The following PPP2R2B variants were observed in gnomAD, a reference collection of about 807,000 sequenced individuals.
PPP2R2B encodes the protein serine/threonine-protein phosphatase 2A 55 kDa regulatory subunit B beta isoform.
Under a neutral mutation model 46.0 loss-of-function variants are expected in PPP2R2B, and 5 were observed. The observed-to-expected ratio is 0.11, with a 90% CI of 0.06 to 0.23. The LOEUF is 0.23. Ranked by LOEUF, PPP2R2B falls within the 10% of genes least tolerant of loss-of-function variation. The pLI is 1.00. For synonymous variants in PPP2R2B, 215 were observed against 206.7 expected (o/e 1.04, Z -0.34); for missense variants, 367 against 575.0 (o/e 0.64, Z 3.70).
chr5:147,076,499 T>A (rs1361425773), intron 2 of PPP2R2B, among the ~76,000 whole-genome samples: 1 of 152,202 alleles, frequency 6.6e-6, no homozygotes, highest in Non-Finnish European at 1.5e-5. Flanking sequence ...TATTTTCTGA[T>A]TTTTATTGGT....
At chr5:146,739,659 A>G (rs537187195) in intron 2 of PPP2R2B, among the ~76,000 whole-genome samples, 52 of 152,338 alleles carry the variant, frequency 3.4e-4, no homozygotes, top group Non-Finnish European at 6.5e-4. Context: ...TAAGGAAAGA[A>G]GCTACGATTA....
intron 7 of PPP2R2B, among the ~76,000 whole-genome samples, chr5:146,623,997 T>TC (rs1261404423): frequency 2.0e-5 from 3 of 151,948 alleles, no homozygotes; most frequent in African/African-American, 4.8e-5. Context: ...ACACGAGAGA[T>TC]CCCCCCTTCT....
intron 1 of PPP2R2B, among the ~76,000 whole-genome samples, chr5:147,047,312 C>T (rs1219772760): frequency 6.6e-6 from 1 of 152,032 alleles, no homozygotes; most frequent in African/African-American, 2.4e-5. Flanking sequence ...ACATTTCTAA[C>T]ACAAAGAGAG....
chr5:146,822,710 A>T (rs1316568700), intron 2 of PPP2R2B, among the ~76,000 whole-genome samples: 1 of 152,156 alleles, frequency 6.6e-6, no homozygotes, highest in African/African-American at 2.4e-5. Context: ...GATTATTATT[A>T]GAAAAGAGAG....
At chr5:147,048,255 T>C (rs2151900930) in intron 1 of PPP2R2B, among the ~76,000 whole-genome samples, 1 of 152,316 alleles carries the variant, frequency 6.6e-6, no homozygotes, top group South Asian at 2.1e-4. Flanking sequence ...GGCAGTCTTG[T>C]AGGGCAGCAA....
At chr5:146,861,557 A>G (rs903312852) in intron 2 of PPP2R2B, among the ~76,000 whole-genome samples, 1 of 152,354 alleles carries the variant, frequency 6.6e-6, no homozygotes, top group Admixed American at 6.5e-5. Context: ...TAATTCCCAG[A>G]GACTAGTCAC....
chr5:146,605,807 G>A (rs917992148), intron 7 of PPP2R2B, among the ~76,000 whole-genome samples: 2 of 152,172 alleles, frequency 1.3e-5, no homozygotes, highest in Non-Finnish European at 2.9e-5. Flanking sequence ...TCTAGTACAG[G>A]CTTCCTCAGA....
chr5:147,044,286 G>T (rs1332063761), intron 1 of PPP2R2B, among the ~76,000 whole-genome samples: 1 of 152,130 alleles, frequency 6.6e-6, no homozygotes, highest in Non-Finnish European at 1.5e-5. Flanking sequence ...GCATTGTCCA[G>T]AAGTAGAATG....
chr5:146,760,987 T>C (rs1754128325), intron 2 of PPP2R2B, among the ~76,000 whole-genome samples: 1 of 152,152 alleles, frequency 6.6e-6, no homozygotes, highest in Non-Finnish European at 1.5e-5. Context: ...CCAGTTAGAA[T>C]AGCGATCATT....
chr5:146,600,986 C>A (rs1216985288), intron 7 of PPP2R2B, among the ~76,000 whole-genome samples: 1 of 152,094 alleles, frequency 6.6e-6, no homozygotes, highest in Non-Finnish European at 1.5e-5. Context: ...AGGTAAACAC[C>A]ATCTACTTTC....
upstream of PPP2R2B, among the ~76,000 whole-genome samples, chr5:146,881,750 G>C (rs1561984744): frequency 1.3e-5 from 2 of 152,240 alleles, no homozygotes; most frequent in African/African-American, 4.8e-5. Flanking sequence ...TCACTTAGTA[G>C]ATGCTTAATT....
intron 5 of PPP2R2B, among the ~76,000 whole-genome samples, chr5:146,676,488 C>T (rs954950834): frequency 3.9e-5 from 6 of 152,074 alleles, no homozygotes; most frequent in South Asian, 2.1e-4. Flanking sequence ...TGCATGTCAC[C>T]GCCTCTGCCT....
chr5:146,906,415 T>A (rs923739860), intron 1 of PPP2R2B, among the ~76,000 whole-genome samples: 1 of 152,082 alleles, frequency 6.6e-6, no homozygotes, highest in Non-Finnish European at 1.5e-5. Context: ...CTCTGCCTCC[T>A]GGGTTCAAGT....
At chr5:146,718,566 C>A (rs574605935) in intron 2 of PPP2R2B, among the ~76,000 whole-genome samples, 2 of 152,256 alleles carry the variant, frequency 1.3e-5, no homozygotes, top group South Asian at 4.1e-4. Context: ...ACATTTGCTT[C>A]ATTCTAGTTA....
At chr5:147,001,945 C>T (rs1349139150) in intron 1 of PPP2R2B, among the ~76,000 whole-genome samples, 1 of 152,136 alleles carries the variant, frequency 6.6e-6, no homozygotes, top group Non-Finnish European at 1.5e-5. Context: ...CTTCAGGGTC[C>T]TGACAACAAG....
In PPP2R2B at chr5:146,878,188, G is replaced by A; in HGVS notation, c.-117C>T. The A allele has an allele frequency of 3.1e-6, 5 of 1,589,752 alleles. No homozygotes were observed. Among genetic ancestry groups the A allele is most frequent in the African/African-American group, 2.7e-5 (2 of 74,352 alleles). On this transcript the variant is annotated 5_prime_UTR_variant, in exon 2 of 10. Transcript: ENST00000394411. This position sits in a 1 kb window ranked among gnomAD's most constrained non-coding sequence, Gnocchi z 4.5. The stretch of plus-strand genomic sequence containing the variant: ...GGGGAGCCAGTGGGACTGCACCATG[G>A]TCCGAGCCTGAGGAGGAGACGGGGA...
intron 5 of PPP2R2B, among the ~76,000 whole-genome samples, chr5:146,680,949 C>G (rs981931745): frequency 6.6e-6 from 1 of 152,170 alleles, no homozygotes; most frequent in East Asian, 1.9e-4. Flanking sequence ...TTTCTCCAAC[C>G]AAGATCTTGT....
intron 1 of PPP2R2B, among the ~76,000 whole-genome samples, chr5:146,955,771 T>G (rs1235246965): frequency 6.8e-6 from 1 of 148,022 alleles, no homozygotes; most frequent in Non-Finnish European, 1.5e-5. Context: ...CTTCTTTCTA[T>G]TACTTTTTTT....
chr5:146,992,064 C>A (rs1041856038), intron 1 of PPP2R2B, among the ~76,000 whole-genome samples: 31 of 151,816 alleles, frequency 2.0e-4, no homozygotes, highest in African/African-American at 7.3e-4. Context: ...CCCAAATAGC[C>A]AAGACAATCA....
Sources: gnomAD v4.1 joint callset for allele counts (sites outside exome capture counted in the v4.1 genomes callset) on GRCh38, gnomAD v4.1.1 for gene constraint, Gnocchi (gnomAD v3.1) non-coding constraint, MANE v1.5 for transcripts, NCBI Gene and HGNC (gene_info 2026-07-23, HGNC 2026-07-21) for gene names.